Variants in ATP10D observed in about 807,000 individuals in gnomAD.
ATP10D encodes the protein phospholipid-transporting ATPase VD.
In ATP10D, 89 loss-of-function variants were observed where a neutral mutation model predicts 144.8. The ratio of observed to expected loss-of-function variants is 0.61; its 90% confidence interval spans 0.52 to 0.73. ATP10D has a LOEUF of 0.73. ATP10D is among the 30% of genes least tolerant of loss of function. The pLI is 0.00. For missense variants in ATP10D, 1,603 were observed against 1,714.8 expected (o/e 0.93, Z 1.15); for synonymous variants, 571 against 615.1 (o/e 0.93, Z 1.06).
chr4:47,580,248 G>C, intron 19 of ATP10D, 150 bp from the exon 20 acceptor site: 1 of 681,844 alleles, frequency 1.5e-6, no homozygotes, highest in Non-Finnish European at 2.6e-6. Context: ...ATCACATTCA[G>C]TTACCCTTAT....
chr4:47,549,759 AG>A (rs1718630636), intron 10 of ATP10D, among the ~76,000 whole-genome samples: 2 of 152,248 alleles, frequency 1.3e-5, no homozygotes, highest in African/African-American at 4.8e-5. Flanking sequence ...GGATCAAGAA[AG>A]GCTGCCCGGA....
At chr4:47,490,851 A>G (rs1560403972) in intron 1 of ATP10D, 1 of 368,046 alleles carries the variant, frequency 2.7e-6, no homozygotes, top group Non-Finnish European at 5.1e-6. Flanking sequence ...CTTGTGAAGC[A>G]CATTATTCAG....
At chr4:47,545,745 C>G (rs1442333123) in intron 9 of ATP10D, among the ~76,000 whole-genome samples, 1 of 152,026 alleles carries the variant, frequency 6.6e-6, no homozygotes, top group Non-Finnish European at 1.5e-5. Context: ...ATTCTCTGAC[C>G]TTTTGGAGAT....
rs753754530 is a variant in ATP10D at position 47,512,860 on chromosome 4, G to T, written c.290+30G>T. On this transcript the variant is annotated intron_variant, in intron 2 of 22. Transcript: ENST00000273859. ...TGTTTTATTTTTGAAGAAAACCTTA[G>T]AATATCATTCTAGTTGATATATAAC... The T allele has an allele frequency of 2.6e-6, 4 of 1,557,594 alleles. No homozygotes were observed. The Admixed American group carries it at 7.1e-5, about 28-fold the overall frequency.
intron 1 of ATP10D, among the ~76,000 whole-genome samples, chr4:47,496,375 T>G (rs563175261): frequency 2.0e-5 from 3 of 152,114 alleles, no homozygotes; most frequent in Non-Finnish European, 2.9e-5. Flanking sequence ...CAGGCTGGTC[T>G]TGAACTCCTG....
At position 47,512,620 on chromosome 4, in the gene ATP10D, C is replaced by G. The variant is rs375980643; in HGVS notation, c.80C>G (p.Pro27Arg). Residue 27 changes from proline (P) to arginine (R), a missense_variant, in exon 2 of 23, where the codon CCA becomes CGA. By Grantham distance (103) the Pro-to-Arg change is moderately radical. Transcript: ENST00000273859. Reference protein sequence around the residue: ...RGATRDDDSGPYNYSSLLACG... With the variant: ...RGATRDDDSGRYNYSSLLACG... ...GCAACCAGGGATGATGATTCAGGGC[C>G]ATACAACTATTCCTCGTTGCTCGCC... 1.5e-4 allele frequency: 239 copies of G among 1,614,040 alleles called. No homozygotes were observed. The highest frequency in any genetic ancestry group is 2.0e-4 in the Non-Finnish European group (232 of 1,180,032).
chr4:47,515,593 T>A lies in ATP10D; in HGVS notation c.408T>A (p.Ile136=). ...TGGTGGTCCTTACAATTATCGCAAT[T>A]AAAGATGGCCTGGAAGATTATCGGA... is the stretch of plus-strand genomic sequence containing the variant. ...PLVVVLTIIA[I]KDGLEDYRKY... Residue 136 remains isoleucine (I), a synonymous_variant, in exon 3 of 23, where the codon ATT becomes ATA. Coordinates refer to ENST00000273859, the MANE Select transcript of ATP10D (RefSeq NM_020453.4). 6.2e-6 allele frequency: 10 copies of A among 1,613,160 alleles called. No homozygotes were observed. The highest frequency in any genetic ancestry group is 8.5e-6 in the Non-Finnish European group (10 of 1,179,156).
At chr4:47,496,561 A>AGC (rs1405461387) in intron 1 of ATP10D, among the ~76,000 whole-genome samples, 11 of 152,330 alleles carry the variant, frequency 7.2e-5, no homozygotes, top group African/African-American at 2.4e-4. Flanking sequence ...AAGACAAGTA[A>AGC]GAGCAGGTTA....
rs769613045 is a variant in ATP10D, at chr4:47,536,956, G to A, written c.1396+18G>A. The A allele has an allele frequency of 8.8e-6, 14 of 1,588,340 alleles. No individual in the cohort carries two copies. The highest frequency in any genetic ancestry group is 2.3e-5 in the South Asian group (2 of 86,574). Reference sequence around the variant, plus strand: ...AGAAAATGGTGAGTGTTGGATTTCCGTGAAAACCAACCTTAGCATTGGTCT... The same window carrying A: ...AGAAAATGGTGAGTGTTGGATTTCCATGAAAACCAACCTTAGCATTGGTCT... On this transcript the variant is annotated intron_variant, in intron 9 of 22. Transcript: ENST00000273859.
At chr4:47,578,348 G>A (rs781579078) in intron 19 of ATP10D, 1 of 152,290 alleles carries the variant, frequency 6.6e-6, no homozygotes, top group Middle Eastern at 3.4e-3. Context: ...TCTGCAGTCA[G>A]AAGCTTCCCT....
At position 47,563,629 on chromosome 4, in the gene ATP10D, T is replaced by A; in HGVS notation, c.2717T>A (p.Ile906Lys). Residue 906 changes from isoleucine to lysine, a missense_variant, in exon 15 of 23, where the codon ATA becomes AAA. Coordinates refer to ENST00000273859, the MANE Select transcript of ATP10D (RefSeq NM_020453.4). ...CTGCAGGAGGGAGTCCCTGAATCTA[T>A]AGAAGCTCTTCACAAAGCGGGCATC... is the stretch of plus-strand genomic sequence containing the variant. Reference protein sequence around the residue: ...DRLQEGVPESIEALHKAGIKI... With the variant: ...DRLQEGVPESKEALHKAGIKI... The A allele has an allele frequency of 1.2e-6, 2 of 1,613,938 alleles. No homozygotes were observed. Among genetic ancestry groups the A allele is most frequent in the Non-Finnish European group, 1.7e-6 (2 of 1,179,928 alleles).
intron 11 of ATP10D, among the ~76,000 whole-genome samples, chr4:47,555,911 G>T (rs1329562429): frequency 6.6e-6 from 1 of 151,888 alleles, no homozygotes; most frequent in Non-Finnish European, 1.5e-5. Context: ...CCACAACCAC[G>T]CCTGGCTAAT....
chr4:47,591,155 G>C lies in ATP10D; in HGVS notation c.4055G>C (p.Gly1352Ala). 6.2e-7 allele frequency: 1 copy of C among 1,613,596 alleles called. No individual in the cohort carries two copies. Among genetic ancestry groups the C allele is most frequent in the South Asian group, 1.1e-5 (1 of 91,064 alleles). ...ERTKALKKWR[G>A]AGKMNQVTSK... Reference sequence around the variant, plus strand: ...ACTAAAGCTCTCAAGAAGTGGAGAGGGGCTGGAAAGATGAATCAAGTGACA... The same window carrying C: ...ACTAAAGCTCTCAAGAAGTGGAGAGCGGCTGGAAAGATGAATCAAGTGACA... Residue 1352 changes from glycine (G) to alanine (A), a missense_variant, in exon 23 of 23, where the codon GGG becomes GCG. Physicochemically the swap from Gly to Ala is moderately conservative, Grantham distance 60. Coordinates refer to ENST00000273859, the MANE Select transcript of ATP10D (RefSeq NM_020453.4).
intron 19 of ATP10D, 75 bp from the exon 20 acceptor site, chr4:47,580,323 G>A (rs1720446749): frequency 8.7e-7 from 1 of 1,151,708 alleles, no homozygotes; most frequent in Non-Finnish European, 1.3e-6. Flanking sequence ...ACAAATGTAA[G>A]TACTGGCTTG....
chr4:47,526,089 C>T (rs540917506), intron 5 of ATP10D, among the ~76,000 whole-genome samples: 5 of 152,130 alleles, frequency 3.3e-5, no homozygotes, highest in Non-Finnish European at 5.9e-5. Flanking sequence ...TACCTTGATA[C>T]CAAAAGCATA....
In ATP10D at chr4:47,515,534, G is replaced by A. The variant is rs750749360; in HGVS notation, c.349G>A (p.Ala117Thr). The A allele has an allele frequency of 6.2e-7, 1 of 1,613,964 alleles. No homozygotes were observed. Among genetic ancestry groups the A allele is most frequent in the Non-Finnish European group, 8.5e-7 (1 of 1,179,888 alleles). The change falls in exon 3 of 23, where the codon GCC (alanine) becomes ACC (threonine). Residue 117 changes from alanine (A) to threonine (T), a missense_variant. By Grantham distance (58) the Ala-to-Thr change is moderately conservative. Coordinates refer to ENST00000273859, the MANE Select transcript of ATP10D (RefSeq NM_020453.4). ...CCTGAACTGGGTACCTTTGGTAGAA[G>A]CCTTCCAAAAGGAAATCACCATGTT... ...VVLNWVPLVE[A>T]FQKEITMLPL...
At chr4:47,488,543 T>C (rs1455750211) in intron 1 of ATP10D, among the ~76,000 whole-genome samples, 1 of 150,860 alleles carries the variant, frequency 6.6e-6, no homozygotes, top group Admixed American at 6.6e-5. Flanking sequence ...CCAAAATCTT[T>C]TAAAGCAACT....
chr4:47,576,598 T>C (rs565381186), intron 18 of ATP10D, among the ~76,000 whole-genome samples, 175 bp from the exon 19 acceptor site: 5 of 152,196 alleles, frequency 3.3e-5, no homozygotes, highest in Non-Finnish European at 7.3e-5. Context: ...GTGTGCACTT[T>C]AATTTAATAA....
chr4:47,488,872 T>C (rs1330388326), intron 1 of ATP10D, among the ~76,000 whole-genome samples: 1 of 152,186 alleles, frequency 6.6e-6, no homozygotes, highest in African/African-American at 2.4e-5. Context: ...AAGAGCTGCC[T>C]TGCCCCTTCC....
Sources: gnomAD v4.1 joint callset for allele counts (sites outside exome capture counted in the v4.1 genomes callset) on GRCh38, gnomAD v4.1.1 for gene constraint, MANE v1.5 for transcripts, NCBI Gene and HGNC (gene_info 2026-07-23, HGNC 2026-07-21) for gene names.